The following NT5E variants were observed in gnomAD, a reference collection of about 807,000 sequenced individuals.
NT5E encodes 5'-nucleotidase ecto.
A neutral mutation model predicts 55.1 loss-of-function variants in NT5E; 53 were observed. That is an observed-to-expected ratio of 0.96 (90% CI 0.77 to 1.21). The LOEUF (loss-of-function observed/expected upper bound fraction) is 1.21. Ranked by LOEUF, NT5E falls within the 50% of genes most tolerant of loss-of-function variation. The pLI, the probability that NT5E is intolerant of heterozygous loss-of-function variation, is 0.00. For missense variants in NT5E, 683 were observed against 724.3 expected, an observed-to-expected ratio of 0.94 and a Z score of 0.65; for synonymous variants, 270 against 278.4, an observed-to-expected ratio of 0.97 and a Z score of 0.30.
At chr6:85,479,502 C>T (rs1769498208) in intron 3 of NT5E, among the ~76,000 whole-genome samples, 1 of 152,180 alleles carries the variant, frequency 6.6e-6, no homozygotes, top group Admixed American at 6.5e-5. Context: ...CATTGCACAC[C>T]AGCATGATGG....
At chr6:85,470,960 A>G (rs759200184) in intron 2 of NT5E, among the ~76,000 whole-genome samples, 19 of 152,240 alleles carry the variant, frequency 1.2e-4, no homozygotes, top group Non-Finnish European at 2.4e-4. Context: ...ATATAAAACA[A>G]TATCTGAAGC....
At chr6:85,489,071 C>A (rs948340242) in intron 5 of NT5E, among the ~76,000 whole-genome samples, 7 of 152,052 alleles carry the variant, frequency 4.6e-5, no homozygotes, top group East Asian at 3.9e-4. Context: ...ACGTGGAGGC[C>A]AGGTTCTCTT....
Position 85,471,377 on chromosome 6 carries a change from G to A in NT5E, c.703G>A (p.Gly235Ser), listed in dbSNP as rs200664520. 4 of 1,612,888 alleles carry A rather than the reference G, an allele frequency of 2.5e-6. No homozygotes were observed. The East Asian group carries it at 6.7e-5, about 27-fold the overall frequency. Residue 235 changes from glycine (G) to serine (S), a missense_variant, in exon 3 of 9, where the codon GGT (glycine) becomes AGT (serine). Physicochemically the swap from Gly to Ser is moderately conservative, Grantham distance 56. Coordinates refer to ENST00000257770, the MANE Select transcript of NT5E (RefSeq NM_002526.4). ...MDKLIAQKVR[G>S]VDVVVGGHSN... ...TAAACTCATCGCTCAGAAAGTGAGGGGTGTGGACGTCGTGGTGGGAGGACA... is the reference window on the plus strand; with the variant it reads ...TAAACTCATCGCTCAGAAAGTGAGGAGTGTGGACGTCGTGGTGGGAGGACA...
chr6:85,467,095 A>G lies in NT5E; in HGVS notation c.375A>G (p.Glu125=). 1 of 1,614,136 alleles carries G rather than the reference A, an allele frequency of 6.2e-7. No individual in the cohort carries two copies. Among genetic ancestry groups the G allele is most frequent in the Non-Finnish European group, 8.5e-7 (1 of 1,180,030 alleles). ...LGNHEFDNGV[E]GLIEPLLKEA... is the part of the protein sequence containing the mutation. The stretch of plus-strand genomic sequence containing the variant: ...ATCATGAATTTGATAATGGTGTGGA[A>G]GGACTGATCGAGCCACTCCTCAAAG... Residue 125 remains glutamate, a synonymous_variant, in exon 2 of 9, where the codon GAA becomes GAG. Transcript: ENST00000257770.
intron 3 of NT5E, among the ~76,000 whole-genome samples, chr6:85,484,814 T>C (rs144326221): frequency 2.2e-4 from 33 of 152,270 alleles, no homozygotes; most frequent in African/African-American, 7.5e-4. Context: ...TCAGCTGCCC[T>C]GTAAAATAGG....
At chr6:85,473,530 A>T (rs1295261824) in intron 3 of NT5E, among the ~76,000 whole-genome samples, 2 of 152,168 alleles carry the variant, frequency 1.3e-5, no homozygotes, top group African/African-American at 4.8e-5. Flanking sequence ...ATGGTTTCAA[A>T]AAGTTTAAAC....
chr6:85,459,453 C>G (rs989571366), intron 1 of NT5E, among the ~76,000 whole-genome samples: 4 of 152,316 alleles, frequency 2.6e-5, no homozygotes, highest in African/African-American at 4.8e-5. Context: ...TCCTACACTG[C>G]TTTTAAAGAA....
At chr6:85,460,280 TAGTC>T (rs953092591) in intron 1 of NT5E, among the ~76,000 whole-genome samples, 2 of 152,182 alleles carry the variant, frequency 1.3e-5, no homozygotes, top group Admixed American at 1.3e-4. Context: ...TCAATTGATT[TAGTC>T]AGCCTTTCCC....
intron 3 of NT5E, among the ~76,000 whole-genome samples, chr6:85,481,019 A>G (rs1357279150): frequency 1.3e-5 from 2 of 152,092 alleles, no homozygotes; most frequent in East Asian, 3.9e-4. Context: ...ACCTGGGGTA[A>G]AGGGCTGGCA....
chr6:85,488,654 C>T (rs1769718169), intron 5 of NT5E, among the ~76,000 whole-genome samples: 1 of 152,094 alleles, frequency 6.6e-6, no homozygotes, highest in Non-Finnish European at 1.5e-5. Flanking sequence ...GATCTCAGCT[C>T]ACTGCAACCT....
At chr6:85,491,063 T>C (rs1434473841) in intron 7 of NT5E, 1 of 531,756 alleles carries the variant, frequency 1.9e-6, no homozygotes, top group South Asian at 1.4e-5. Flanking sequence ...CAATCTGTAT[T>C]AACCAGGATG....
At chr6:85,465,442 A>C (rs1377480590) in intron 1 of NT5E, among the ~76,000 whole-genome samples, 3 of 152,188 alleles carry the variant, frequency 2.0e-5, no homozygotes, top group Non-Finnish European at 4.4e-5. Flanking sequence ...AAAAATCATA[A>C]CATTCTAAGA....
chr6:85,451,117 T>C (rs1768848173), intron 1 of NT5E, among the ~76,000 whole-genome samples: 1 of 152,200 alleles, frequency 6.6e-6, no homozygotes, highest in Admixed American at 6.5e-5. Flanking sequence ...GGATTATAAT[T>C]GTACATAGTG....
chr6:85,462,098 G>A (rs1769109986), intron 1 of NT5E, among the ~76,000 whole-genome samples: 1 of 152,004 alleles, frequency 6.6e-6, no homozygotes, highest in Non-Finnish European at 1.5e-5. Flanking sequence ...TTCCACTCCT[G>A]CACTGTCCCC....
At chr6:85,471,448 A>G (rs1769305947) in intron 3 of NT5E, 23 bp downstream of exon 3, 18 of 1,603,892 alleles carry the variant, frequency 1.1e-5, no homozygotes, top group Non-Finnish European at 1.5e-5. Context: ...AAAGGATTGC[A>G]TGGGCCAGGA....
At chr6:85,467,397 T>G in intron 2 of NT5E, 115 bp downstream of exon 2, 16 of 816,392 alleles carry the variant, frequency 2.0e-5, no homozygotes, top group South Asian at 2.9e-5. Flanking sequence ...AATAGTGCAC[T>G]AGAATAACAC....
chr6:85,477,500 C>G (rs964717270), intron 3 of NT5E, among the ~76,000 whole-genome samples: 16 of 152,160 alleles, frequency 1.1e-4, no homozygotes, highest in Non-Finnish European at 1.9e-4. Flanking sequence ...ATAACTAAGA[C>G]AGACTACAAG....
rs994248263 is a variant in NT5E, at chr6:85,494,158, A to G, written c.*154A>G. ...AGCATTATAAAATGAAGAGACAGACATGATTACTCAGGGTCAGCAACCTAG... is the reference window on the plus strand; with the variant it reads ...AGCATTATAAAATGAAGAGACAGACGTGATTACTCAGGGTCAGCAACCTAG... On this transcript the variant is annotated 3_prime_UTR_variant, in exon 9 of 9. Transcript: ENST00000257770. 2.6e-6 allele frequency: 2 copies of G among 756,174 alleles called. No individual in the cohort carries two copies. The highest frequency in any genetic ancestry group is 1.8e-5 in the African/African-American group (1 of 56,846). The allele number at this position is 756,174 out of a possible 1,614,324, so 46.8% of individuals were successfully genotyped here. A position where few individuals can be genotyped will look rare whatever the true frequency, so the allele number is the denominator to read the frequency against.
chr6:85,463,144 G>A (rs1471667154), intron 1 of NT5E, among the ~76,000 whole-genome samples: 1 of 152,078 alleles, frequency 6.6e-6, no homozygotes, highest in Non-Finnish European at 1.5e-5. Context: ...AGCTGGGGGT[G>A]GACCAGATGC....
Sources: allele counts gnomAD v4.1 joint callset (sites outside exome capture counted in the v4.1 genomes callset), GRCh38; gene constraint gnomAD v4.1.1; transcripts MANE v1.5; gene names NCBI Gene and HGNC (gene_info 2026-07-23, HGNC 2026-07-21).